Variants in CETP observed in about 807,000 individuals in gnomAD.
The protein encoded by CETP is BPI fold containing family F.
In CETP, 56 loss-of-function variants were observed where a neutral mutation model predicts 66.5. The ratio of observed to expected loss-of-function variants is 0.84; its 90% confidence interval spans 0.68 to 1.05. The LOEUF is 1.05. Ranked by LOEUF, CETP falls within the 50% of genes least tolerant of loss-of-function variation. The pLI, the probability that CETP is intolerant of heterozygous loss-of-function variation, is 0.00. For synonymous variants in CETP, 251 were observed against 245.7 expected (o/e 1.02, Z -0.20); for missense variants, 612 against 609.6 (o/e 1.00, Z -0.04).
chr16:56,972,513 G>A (rs928195524), intron 8 of CETP, among the ~76,000 whole-genome samples: 2 of 152,216 alleles, frequency 1.3e-5, no homozygotes, highest in Non-Finnish European at 1.5e-5. Context: ...CCTCTGTTGC[G>A]TTCTGAGCAT....
At position 56,983,360 on chromosome 16, in the gene CETP, C is replaced by T. The variant is rs1195879924; in HGVS notation, c.1356C>T (p.Ser452=). 1.9e-6 allele frequency: 3 copies of T among 1,614,256 alleles called. No individual in the cohort carries two copies. Among genetic ancestry groups the T allele is most frequent in the African/African-American group, 2.7e-5 (2 of 75,074 alleles). ...LEVVFTALMN[S]KGVSLFDIIN... is the part of the protein sequence containing the mutation. ...TAGTGTTTACAGCCCTCATGAACAGCAAAGGCGTGAGCCTCTTCGACATCA... is the reference window on the plus strand; with the variant it reads ...TAGTGTTTACAGCCCTCATGAACAGTAAAGGCGTGAGCCTCTTCGACATCA... The change falls in exon 15 of 16, where the codon AGC becomes AGT. Residue 452 remains serine (S), a synonymous_variant. Coordinates refer to ENST00000200676, the MANE Select transcript of CETP (RefSeq NM_000078.3).
intron 9 of CETP, 73 bp from the exon 10 acceptor site, chr16:56,975,028 G>T: frequency 7.3e-7 from 1 of 1,376,792 alleles, no homozygotes; most frequent in Non-Finnish European, 1.0e-6. Context: ...AACTGCCCTT[G>T]GTCCCTGCGA....
intron 8 of CETP, 118 bp downstream of exon 8, chr16:56,972,201 C>T (rs966581584): frequency 3.4e-5 from 25 of 738,016 alleles, no homozygotes; most frequent in Admixed American, 4.2e-5. Flanking sequence ...AGTCCTGGGG[C>T]GCTCCTCCTC....
intron 1 of CETP, 62 bp downstream of exon 1, chr16:56,962,159 G>C (rs2056028249): frequency 7.0e-7 from 1 of 1,420,320 alleles, no homozygotes. Context: ...CACTATGCCA[G>C]GAGCCTCCCT....
At position 56,963,087 on chromosome 16, in the gene CETP, A is replaced by C. The variant is rs762836445; in HGVS notation, c.196A>C (p.Met66Leu). 1.9e-6 allele frequency: 3 copies of C among 1,613,888 alleles called. No homozygotes were observed. The African/African-American group carries it at 4.0e-5, about 22-fold the overall frequency. Residue 66 changes from methionine (M) to leucine (L), a missense_variant, in exon 2 of 16, where the codon ATG (methionine) becomes CTG (leucine). Physicochemically the swap from Met to Leu is conservative, Grantham distance 15. Transcript: ENST00000200676. Reference protein sequence around the residue: ...SYPDITGEKAMMLLGQVKYGL... With the variant: ...SYPDITGEKALMLLGQVKYGL... The stretch of plus-strand genomic sequence containing the variant: ...CCCAGATATCACGGGCGAGAAGGCC[A>C]TGATGCTCCTTGGCCAAGTCAAGTA...
intron 2 of CETP, among the ~76,000 whole-genome samples, chr16:56,963,990 T>TTTTTTTTATTTA (rs1428533566): frequency 3.0e-5 from 4 of 132,364 alleles, no homozygotes; most frequent in African/African-American, 1.1e-4. Flanking sequence ...TTAATCTTTA[T>TTTTTTTTATTTA]TTTATTTATT....
chr16:56,981,251 G>A, intron 12 of CETP, 26 bp downstream of exon 12: 1 of 1,580,596 alleles, frequency 6.3e-7, no homozygotes, highest in Non-Finnish European at 8.7e-7. Context: ...AAGAGAGGGG[G>A]CGGTCAACTC....
intron 7 of CETP, 72 bp downstream of exon 7, chr16:56,971,453 G>A: frequency 5.2e-6 from 7 of 1,347,336 alleles, no homozygotes; most frequent in Non-Finnish European, 7.4e-6. Context: ...TGCACTATGT[G>A]GCCTTGGGAC....
rs147758502 is a variant in CETP, at chr16:56,962,071, G to A, written c.92G>A (p.Arg31His). The change falls in exon 1 of 16, where the codon CGC (arginine) becomes CAC (histidine). Residue 31 changes from arginine (R) to histidine (H), a missense_variant. Physicochemically the swap from Arg to His is conservative, Grantham distance 29. Transcript: ENST00000200676. ...GTSHEAGIVC[R>H]ITKPALLVLN... is the part of the protein sequence containing the mutation. ...TCGCACGAGGCAGGCATCGTGTGCC[G>A]CATCACCAAGCCTGCCCTCCTGGTG... 4.0e-5 allele frequency: 65 copies of A among 1,613,856 alleles called. No individual in the cohort carries two copies. The highest frequency in any genetic ancestry group is 4.7e-5 in the Non-Finnish European group (55 of 1,179,956).
chr16:56,970,955 C>T (rs967583291), intron 5 of CETP, 78 bp from the exon 6 acceptor site: 24 of 1,328,396 alleles, frequency 1.8e-5, no homozygotes, highest in Middle Eastern at 1.8e-4. Context: ...GAGCCATGAA[C>T]GGTGCCTGGT....
intron 12 of CETP, 28 bp downstream of exon 12, chr16:56,981,253 G>C (rs534277350): frequency 6.4e-7 from 1 of 1,561,406 alleles, no homozygotes; most frequent in Non-Finnish European, 8.8e-7. Context: ...GAGAGGGGGC[G>C]GTCAACTCCG....
At chr16:56,962,172 C>G in intron 1 of CETP, 75 bp downstream of exon 1, 1 of 1,301,688 alleles carries the variant, frequency 7.7e-7, no homozygotes, top group Non-Finnish European at 1.1e-6. Context: ...GCCTCCCTGG[C>G]CTGAAGCCAG....
At chr16:56,980,178 A>G (rs998279165) in intron 11 of CETP, among the ~76,000 whole-genome samples, 36 of 152,306 alleles carry the variant, frequency 2.4e-4, no homozygotes, top group African/African-American at 5.3e-4. Flanking sequence ...TCCACTGATG[A>G]TACCCTTTTT....
chr16:56,969,401 C>G lies in CETP; in HGVS notation c.249C>G (p.His83Gln), dbSNP rs2056091258. 6 of 1,614,138 alleles carry G rather than the reference C, an allele frequency of 3.7e-6. No homozygotes were observed. Among genetic ancestry groups the G allele is most frequent in the Non-Finnish European group, 5.1e-6 (6 of 1,180,048 alleles). ...TCCTTCCCAGCATCCAGATCAGCCA[C>G]TTGTCCATCGCCAGCAGCCAGGTGG... is the stretch of plus-strand genomic sequence containing the variant. ...KYGLHNIQIS[H>Q]LSIASSQVEL... is the part of the protein sequence containing the mutation. The change falls in exon 3 of 16, where the codon CAC becomes CAG. Residue 83 changes from histidine to glutamine, a missense_variant. His to Gln is a conservative substitution (Grantham distance 24). Coordinates refer to ENST00000200676, the MANE Select transcript of CETP (RefSeq NM_000078.3).
Position 56,983,597 on chromosome 16 carries a change from CCTG to C in CETP, c.1421_1423del (p.Leu474del). The C allele has an allele frequency of 1.9e-6, 3 of 1,614,166 alleles. No individual in the cohort carries two copies. The highest frequency in any genetic ancestry group is 2.5e-6 in the Non-Finnish European group (3 of 1,180,004). ...CCTACTGCCCCTCCCTTCAGGGCTTCCTGCTGCTGCAGATGGACTTTGGCTTCC... is the reference window on the plus strand; with the variant it reads ...CCTACTGCCCCTCCCTTCAGGGCTTCCTGCTGCAGATGGACTTTGGCTTCC... On this transcript the variant is annotated inframe_deletion, in exon 16 of 16. Coordinates refer to ENST00000200676, the MANE Select transcript of CETP (RefSeq NM_000078.3).
In CETP at chr16:56,969,411, G is replaced by A. The variant is rs779052928; in HGVS notation, c.259G>A (p.Ala87Thr). 13 of 1,613,840 alleles carry A rather than the reference G, an allele frequency of 8.1e-6. No homozygotes were observed. Among genetic ancestry groups the A allele is most frequent in the East Asian group, 4.5e-5 (2 of 44,902 alleles). ...CATCCAGATCAGCCACTTGTCCATCGCCAGCAGCCAGGTGGAGCTGGTGGA... is the reference window on the plus strand; with the variant it reads ...CATCCAGATCAGCCACTTGTCCATCACCAGCAGCCAGGTGGAGCTGGTGGA... ...HNIQISHLSI[A>T]SSQVELVEAK... The change falls in exon 3 of 16, where the codon GCC (alanine) becomes ACC (threonine). Residue 87 changes from alanine to threonine, a missense_variant. Coordinates refer to ENST00000200676, the MANE Select transcript of CETP (RefSeq NM_000078.3).
chr16:56,974,661 AC>A (rs1346987716), intron 9 of CETP, among the ~76,000 whole-genome samples: 1 of 152,226 alleles, frequency 6.6e-6, no homozygotes, highest in East Asian at 1.9e-4. Flanking sequence ...TGAAATAAGT[AC>A]TGTTACCTCT....
intron 10 of CETP, among the ~76,000 whole-genome samples, 184 bp from the exon 11 acceptor site, chr16:56,977,907 T>C (rs1039401137): frequency 6.6e-6 from 1 of 152,174 alleles, no homozygotes; most frequent in Non-Finnish European, 1.5e-5. Context: ...GATGAGAAAC[T>C]GAGGCCCAGA....
chr16:56,972,592 C>A (rs1182077264), intron 8 of CETP, among the ~76,000 whole-genome samples: 2 of 152,238 alleles, frequency 1.3e-5, no homozygotes, highest in Non-Finnish European at 2.9e-5. Context: ...TGTTCTCAGC[C>A]AGCCCCAGGC....
Sources: allele counts gnomAD v4.1 joint callset (sites outside exome capture counted in the v4.1 genomes callset), GRCh38; gene constraint gnomAD v4.1.1; transcripts MANE v1.5; gene names NCBI Gene and HGNC (gene_info 2026-07-23, HGNC 2026-07-21).